DTX3L: variants seen among roughly 807,000 people sequenced by gnomAD.
The protein encoded by DTX3L is E3 ubiquitin-protein ligase DTX3L.
In DTX3L, 34 loss-of-function variants were observed where a neutral mutation model predicts 60.9. The observed-to-expected ratio is 0.56, with a 90% CI of 0.42 to 0.74. DTX3L has a LOEUF of 0.74. Ranked by LOEUF, DTX3L falls within the 30% of genes least tolerant of loss-of-function variation. The probability of loss-of-function intolerance (pLI) is 0.00; values close to 1 mark genes in which losing one functional copy is unlikely to be tolerated. For synonymous variants in DTX3L, 290 were observed against 316.6 expected, an observed-to-expected ratio of 0.92 and a Z score of 0.89; for missense variants, 810 against 874.0, an observed-to-expected ratio of 0.93 and a Z score of 0.92.
chr3:122,568,450 G>A, intron 2 of DTX3L, 39 bp from the exon 3 acceptor site: 1 of 1,510,764 alleles, frequency 6.6e-7, no homozygotes, highest in Non-Finnish European at 8.9e-7. Context: ...CCTGCATGCT[G>A]AGAGGTTTTA....
rs891888040 is a variant in DTX3L at position 122,569,494 on chromosome 3, A to G, written c.1405A>G (p.Lys469Glu). ...GKERKHLHQTKFADDFRKRHP... is the reference protein window; with the variant it reads ...GKERKHLHQTEFADDFRKRHP... ...GGAGAGAAAGCACTTACATCAGACC[A>G]AGTTTGCTGATGACTTTAGAAAAAG... is the stretch of plus-strand genomic sequence containing the variant. Residue 469 changes from lysine to glutamate, a missense_variant, in exon 3 of 5, where the codon AAG (lysine) becomes GAG (glutamate). By Grantham distance (56) the Lys-to-Glu change is moderately conservative (BLOSUM62 1). Coordinates refer to ENST00000296161, the MANE Select transcript of DTX3L (RefSeq NM_138287.3). The G allele has an allele frequency of 1.2e-6, 2 of 1,614,114 alleles. No homozygotes were observed. The highest frequency in any genetic ancestry group is 2.7e-5 in the African/African-American group (2 of 74,936).
In DTX3L at chr3:122,570,586, G is replaced by A. The variant is rs766727586; in HGVS notation, c.2067G>A (p.Val689=). ...RAFDQKLIFT[V]GYSRVLGVSD... is the part of the protein sequence containing the mutation. ...TTGACCAAAAGCTGATTTTTACAGT[G>A]GGGTACTCTCGCGTATTAGGAGTCT... Residue 689 remains valine, a synonymous_variant, in exon 4 of 5, where the codon GTG becomes GTA. Coordinates refer to ENST00000296161, the MANE Select transcript of DTX3L (RefSeq NM_138287.3). The A allele has an allele frequency of 4.6e-5, 74 of 1,613,996 alleles. No individual in the cohort carries two copies. Among genetic ancestry groups the A allele is most frequent in the Non-Finnish European group, 6.2e-5 (73 of 1,180,032 alleles).
At position 122,566,025 on chromosome 3, in the gene DTX3L, A is replaced by G; in HGVS notation, c.354A>G (p.Gln118=). ...QAETPSGDMH[Q]HEGHIPNAVD... is the part of the protein sequence containing the mutation. ...AAACACCGTCTGGTGATATGCATCA[A>G]CATGAAGGACATATTCCTAATGCTG... Residue 118 remains glutamine, a synonymous_variant, in exon 2 of 5, where the codon CAA becomes CAG. Transcript: ENST00000296161. 6.2e-7 allele frequency: 1 copy of G among 1,614,220 alleles called. No individual in the cohort carries two copies. Among genetic ancestry groups the G allele is most frequent in the Non-Finnish European group, 8.5e-7 (1 of 1,180,048 alleles).
chr3:122,569,966 GTTA>G lies in DTX3L; in HGVS notation c.1879_1881del (p.Tyr627del). 8 of 1,614,064 alleles carry G rather than the reference GTTA, an allele frequency of 5.0e-6. No homozygotes were observed. Among genetic ancestry groups the G allele is most frequent in the Non-Finnish European group, 6.8e-6 (8 of 1,180,022 alleles). ...ACTGTTTCAAGAGACTCACTTCCAG[GTTA>G]TGAGTCCTTTGGCACCATTGTGATT... On this transcript the variant is annotated inframe_deletion, in exon 3 of 5. Transcript: ENST00000296161.
rs949126553 is a variant in DTX3L, at chr3:122,572,570, G to C, written c.*823G>C. On this transcript the variant is annotated 3_prime_UTR_variant, in exon 5 of 5. Coordinates refer to ENST00000296161, the MANE Select transcript of DTX3L (RefSeq NM_138287.3). ...ATTGGGCAAGCATTGGTAATAAATG[G>C]AATAAGACTATTATTATTATTATTT... The C allele has an allele frequency of 4.6e-5, 7 of 152,000 alleles. No homozygotes were observed. Among genetic ancestry groups the C allele is most frequent in the African/African-American group, 1.7e-4 (7 of 41,376 alleles). The allele number at this position is 152,000 out of a possible 1,614,324, so 9.4% of individuals were successfully genotyped here.
intron 2 of DTX3L, among the ~76,000 whole-genome samples, chr3:122,567,000 T>C (rs1489034177): frequency 2.0e-5 from 3 of 152,138 alleles, no homozygotes; most frequent in Non-Finnish European, 4.4e-5. Context: ...TGAGGTGACA[T>C]CTCTAGCCAA....
At chr3:122,565,408 A>C (rs1288296319) in intron 1 of DTX3L, among the ~76,000 whole-genome samples, 1 of 148,338 alleles carries the variant, frequency 6.7e-6, no homozygotes, top group Non-Finnish European at 1.5e-5. Context: ...GCTACTCTGG[A>C]GGCTGAGGCA....
In DTX3L at chr3:122,570,010, G is replaced by A; in HGVS notation, c.1921G>A (p.Ala641Thr). 2 of 1,613,884 alleles carry A rather than the reference G, an allele frequency of 1.2e-6. No individual in the cohort carries two copies. The highest frequency in any genetic ancestry group is 1.1e-5 in the South Asian group (1 of 91,086). The part of the protein sequence containing the change: ...GTIVITYSMK[A>T]GIQTEEHPNP... ...CATTGTGATTACTTATTCTATGAAA[G>A]CAGGCATACAAACAGTAAGTATTTC... The change falls in exon 3 of 5, where the codon GCA becomes ACA. Residue 641 changes from alanine to threonine, a missense_variant. Transcript: ENST00000296161.
rs754262698 is a variant in DTX3L, at chr3:122,569,669, C to T, written c.1580C>T (p.Pro527Leu). The T allele has an allele frequency of 4.5e-5, 73 of 1,613,976 alleles. No individual in the cohort carries two copies. Among genetic ancestry groups the T allele is most frequent in the South Asian group, 2.4e-4 (22 of 91,082 alleles). The change falls in exon 3 of 5, where the codon CCG (proline) becomes CTG (leucine). Residue 527 changes from proline (P) to leucine (L), a missense_variant. Transcript: ENST00000296161. ...AAATTGAAAGAGGGTCATGAAACAC[C>T]GATGGACATTGATAGCGATGATTCC... ...GKKLKEGHET[P>L]MDIDSDDSKA...
In DTX3L at chr3:122,572,845, C is replaced by G. The variant is rs1256826405; in HGVS notation, c.*1098C>G. On this transcript the variant is annotated 3_prime_UTR_variant, in exon 5 of 5. Coordinates refer to ENST00000296161, the MANE Select transcript of DTX3L (RefSeq NM_138287.3). ...CCTCCTGCCTTGGCCTCCCAAAGTG[C>G]TGGAATTACAGGCATGAGCCACCAC... 6.6e-6 allele frequency: 1 copy of G among 151,856 alleles called. No individual in the cohort carries two copies. Among genetic ancestry groups the G allele is most frequent in the Non-Finnish European group, 1.5e-5 (1 of 68,028 alleles). 9.4% of individuals were successfully genotyped at this position (151,856 alleles called of 1,614,324 possible). A position where few individuals can be genotyped will look rare whatever the true frequency, so the allele number is the denominator to read the frequency against.
In DTX3L at chr3:122,570,067, C is replaced by T. The variant is rs377016468; in HGVS notation, c.1935+43C>T. On this transcript the variant is annotated intron_variant, in intron 3 of 4. Coordinates refer to ENST00000296161, the MANE Select transcript of DTX3L (RefSeq NM_138287.3). ...CCATGGGTTTCTTGCCACTATGCTA[C>T]GATTACCAGGGCAAAAGAGACTGTC... 305 of 1,589,608 alleles carry T rather than the reference C, an allele frequency of 1.9e-4. No homozygotes were observed. In the Middle Eastern group the frequency reaches 2.5e-3, roughly 13 times the overall value.
chr3:122,566,110 C>T, intron 2 of DTX3L, 40 bp downstream of exon 2: 5 of 1,562,604 alleles, frequency 3.2e-6, no homozygotes, highest in Non-Finnish European at 4.4e-6. Flanking sequence ...CCTGCGCCTC[C>T]TCTCCAGTCA....
At chr3:122,570,237 GGAGATTATATCTT>G (rs2080635388) in intron 3 of DTX3L, 1 of 732,300 alleles carries the variant, frequency 1.4e-6, no homozygotes, top group African/African-American at 1.8e-5. Flanking sequence ...AAGGGTGGGT[GGAGATTATATCTT>G]GAGATGGGGG....
chr3:122,571,534 A>T, intron 4 of DTX3L, 144 bp from the exon 5 acceptor site: 1 of 622,098 alleles, frequency 1.6e-6, no homozygotes, highest in Non-Finnish European at 2.7e-6. Context: ...CTGCGAATTT[A>T]AAAGTCATGA....
intron 1 of DTX3L, among the ~76,000 whole-genome samples, chr3:122,565,383 G>A (rs896890496): frequency 6.6e-6 from 1 of 151,750 alleles, no homozygotes; most frequent in Non-Finnish European, 1.5e-5. Flanking sequence ...ATGGTGGTGC[G>A]CACCTGTAAT....
At position 122,570,443 on chromosome 3, in the gene DTX3L, G is replaced by A. The variant is rs1324708533; in HGVS notation, c.1936-12G>A. On this transcript the variant is annotated splice_polypyrimidine_tract_variant and intron_variant, in intron 3 of 4. Coordinates refer to ENST00000296161, the MANE Select transcript of DTX3L (RefSeq NM_138287.3). ...CACTCTTTTCACATGACATTTTCTT[G>A]TTCTCACACAGGAAGAACACCCAAA... 3 of 1,613,448 alleles carry A rather than the reference G, an allele frequency of 1.9e-6. No homozygotes were observed. The African/African-American group carries it at 4.0e-5, about 22-fold the overall frequency.
At position 122,571,795 on chromosome 3, in the gene DTX3L, T is replaced by C; in HGVS notation, c.*48T>C. On this transcript the variant is annotated 3_prime_UTR_variant, in exon 5 of 5. Coordinates refer to ENST00000296161, the MANE Select transcript of DTX3L (RefSeq NM_138287.3). ...AAATCAAGCTTTCAAAAAAATATAT[T>C]TTAGGAGGCTGATTTAATGCCAGTC... is the stretch of plus-strand genomic sequence containing the variant. 6.6e-7 allele frequency: 1 copy of C among 1,505,262 alleles called. No homozygotes were observed. Among genetic ancestry groups the C allele is most frequent in the Non-Finnish European group, 9.1e-7 (1 of 1,099,946 alleles). 93.2% of individuals were successfully genotyped at this position (1,505,262 alleles called of 1,614,324 possible).
chr3:122,564,412 C>T lies in DTX3L; in HGVS notation c.-15C>T, dbSNP rs1033814925. On this transcript the variant is annotated 5_prime_UTR_variant, in exon 1 of 5. Transcript: ENST00000296161. ...TGCCTCCCGGAGCCCCCGCGCCCTC[C>T]CGACGCGCAGAGCCATGGCCTCCCA... The T allele has an allele frequency of 1.2e-6, 2 of 1,602,262 alleles. No individual in the cohort carries two copies. Among genetic ancestry groups the T allele is most frequent in the Non-Finnish European group, 1.7e-6 (2 of 1,175,110 alleles).
chr3:122,575,175 T>C lies in DTX3L; in HGVS notation c.*3428T>C, dbSNP rs548440910. 6.6e-6 allele frequency: 1 copy of C among 152,366 alleles called. No individual in the cohort carries two copies. The highest frequency in any genetic ancestry group is 2.4e-5 in the African/African-American group (1 of 41,584). 9.4% of individuals were successfully genotyped at this position (152,366 alleles called of 1,614,324 possible). A position where few individuals can be genotyped will look rare whatever the true frequency, so the allele number is the denominator to read the frequency against. ...GGAAGCTGTTATCATCTGTATCTGCTTTAAATAAAGTTAAAGATTTGGAAC... is the reference window on the plus strand; with the variant it reads ...GGAAGCTGTTATCATCTGTATCTGCCTTAAATAAAGTTAAAGATTTGGAAC... On this transcript the variant is annotated 3_prime_UTR_variant, in exon 5 of 5. Transcript: ENST00000296161.
Sources: gnomAD v4.1 joint callset for allele counts (sites outside exome capture counted in the v4.1 genomes callset) on GRCh38, gnomAD v4.1.1 for gene constraint, MANE v1.5 for transcripts, NCBI Gene and HGNC (gene_info 2026-07-23, HGNC 2026-07-21) for gene names.